Variants in NHS observed in about 807,000 individuals in gnomAD.
NHS encodes the protein actin remodeling regulator NHS.
In NHS, 5 loss-of-function variants were observed where a neutral mutation model predicts 72.5. That is an observed-to-expected ratio of 0.07 (90% CI 0.04 to 0.14). NHS has a LOEUF of 0.14. NHS is among the 10% of genes least tolerant of loss of function. NHS has a pLI of 1.00. For synonymous variants in NHS, 464 were observed against 547.7 expected (o/e 0.85, Z 2.13); for missense variants, 1,072 against 1,355.7 (o/e 0.79, Z 3.29).
intron 1 of NHS, among the ~76,000 whole-genome samples, chrX:17,684,593 A>C (rs2066150621): frequency 8.9e-6 from 1 of 112,027 alleles, no homozygotes; most frequent in African/African-American, 3.3e-5. Flanking sequence ...ACAACACGAC[A>C]GTTTGCTTCT....
In NHS at chrX:17,727,745, T is replaced by A. The variant is rs141529580; in HGVS notation, c.3639T>A (p.Asp1213Glu). The change falls in exon 7 of 9, where the codon GAT (aspartate) becomes GAA (glutamate). Residue 1213 changes from aspartate to glutamate, a missense_variant. Physicochemically the swap from Asp to Glu is conservative, Grantham distance 45. Transcript: ENST00000676302. ...CTTCTGCAGTTGAGATGGGACCAGATAAACTACATTTAGAAAAAAACTCTA... is the reference window on the plus strand; with the variant it reads ...CTTCTGCAGTTGAGATGGGACCAGAAAAACTACATTTAGAAAAAAACTCTA... ...LDSSAVEMGP[D>E]KLHLEKNSTF... 2 of 1,209,824 alleles carry A rather than the reference T, an allele frequency of 1.7e-6. No homozygotes were observed. Among genetic ancestry groups the A allele is most frequent in the African/African-American group, 3.5e-5 (2 of 57,099 alleles).
chrX:17,413,096 C>T, intron 1 of NHS, among the ~76,000 whole-genome samples: 1 of 112,187 alleles, frequency 8.9e-6, no homozygotes, highest in East Asian at 2.8e-4. Context: ...ATGTGACTAC[C>T]TGTGTATTTA....
chrX:17,565,120 A>T (rs2065436553), intron 1 of NHS, among the ~76,000 whole-genome samples: 1 of 111,176 alleles, frequency 9.0e-6, no homozygotes, highest in Non-Finnish European at 1.9e-5. Flanking sequence ...CAGAACCCAG[A>T]TCTTTAAGAG....
intron 1 of NHS, among the ~76,000 whole-genome samples, chrX:17,624,637 C>T (rs1171173452): frequency 1.8e-5 from 2 of 113,572 alleles, no homozygotes; most frequent in African/African-American, 6.4e-5. Flanking sequence ...TGTTCATTCT[C>T]ATTGCTGTAT....
At chrX:17,489,961 T>C (rs1227105965) in intron 1 of NHS, among the ~76,000 whole-genome samples, 1 of 112,293 alleles carries the variant, frequency 8.9e-6, no homozygotes, top group Admixed American at 9.4e-5. Flanking sequence ...CTTCACCCAC[T>C]TTTTGATGGA....
At chrX:17,682,138 G>A (rs1180698104) in intron 1 of NHS, among the ~76,000 whole-genome samples, 3 of 110,720 alleles carry the variant, frequency 2.7e-5, no homozygotes, top group Non-Finnish European at 5.7e-5. Flanking sequence ...GATGGTTACC[G>A]AGGAAGAAAG....
At chrX:17,391,548 G>A (rs1004166631) in intron 1 of NHS, among the ~76,000 whole-genome samples, 1 of 111,936 alleles carries the variant, frequency 8.9e-6, no homozygotes, top group African/African-American at 3.2e-5. Context: ...GGTAAAGGAT[G>A]TAGGTATAAA....
chrX:17,454,441 G>A (rs1260168054), intron 1 of NHS, among the ~76,000 whole-genome samples: 1 of 112,129 alleles, frequency 8.9e-6, no homozygotes, highest in Non-Finnish European at 1.9e-5. Flanking sequence ...CTGACTCAGA[G>A]CTACTGACTC....
intron 1 of NHS, among the ~76,000 whole-genome samples, chrX:17,575,266 A>G (rs1414960368): frequency 1.8e-5 from 2 of 112,924 alleles, no homozygotes; most frequent in South Asian, 3.6e-4. Context: ...GCTCCTGGCC[A>G]TGGCCTGCAA....
intron 1 of NHS, among the ~76,000 whole-genome samples, chrX:17,536,093 C>T (rs982348799): frequency 1.7e-4 from 19 of 112,054 alleles, no homozygotes; most frequent in East Asian, 2.8e-4. Context: ...CAGTGGCTCA[C>T]GCCTGTAATC....
intron 3 of NHS, among the ~76,000 whole-genome samples, chrX:17,702,437 C>T (rs1185128369): frequency 8.9e-6 from 1 of 111,909 alleles, no homozygotes; most frequent in Non-Finnish European, 1.9e-5. Flanking sequence ...AATCCCAGCA[C>T]TTTAGGAGGC....
chrX:17,554,423 A>G lies in NHS; in HGVS notation c.566-133319A>G, dbSNP rs150589007. Among the ~76,000 whole-genome samples, 870 of 112,287 alleles carry G rather than the reference A, an allele frequency of 7.7e-3. 2 individuals carry two copies. The highest frequency in any genetic ancestry group is 0.014 in the Middle Eastern group (3 of 218). On this transcript the variant is annotated intron_variant, in intron 1 of 8. Coordinates refer to ENST00000676302, the MANE Select transcript of NHS (RefSeq NM_001291867.2). ...CAGAGCTGGAGGGGGGACACGGGTC[A>G]TGAGGATGGTCAGGGATGAAAAGGT... is the stretch of plus-strand genomic sequence containing the variant.
intron 1 of NHS, among the ~76,000 whole-genome samples, chrX:17,655,533 G>A (rs1031626569): frequency 5.3e-5 from 6 of 112,411 alleles, no homozygotes; most frequent in African/African-American, 1.9e-4. Flanking sequence ...TGGCAGCAGG[G>A]GACGGATTAT....
intron 1 of NHS, among the ~76,000 whole-genome samples, chrX:17,554,033 G>T (rs749139407): frequency 8.9e-6 from 1 of 111,986 alleles, no homozygotes; most frequent in East Asian, 2.8e-4. Context: ...CCATTCTGGT[G>T]GCTCAGCGGA....
chrX:17,416,309 G>A (rs183033529), intron 1 of NHS, among the ~76,000 whole-genome samples: 48 of 111,019 alleles, frequency 4.3e-4, no homozygotes, highest in African/African-American at 1.5e-3. Context: ...TCTGAACCCA[G>A]CTCACTTTTC....
At chrX:17,567,036 C>A (rs906434527) in intron 1 of NHS, among the ~76,000 whole-genome samples, 2 of 112,224 alleles carry the variant, frequency 1.8e-5, no homozygotes, top group Non-Finnish European at 3.8e-5. Flanking sequence ...GCAAAATGGC[C>A]TTTTCCGTTA....
chrX:17,650,198 G>A (rs973451296), intron 1 of NHS, among the ~76,000 whole-genome samples: 54 of 112,525 alleles, frequency 4.8e-4, no homozygotes, highest in African/African-American at 1.7e-3. Flanking sequence ...TCCAGCCCTG[G>A]GCAAATCACA....
At chrX:17,408,512 C>T (rs1458705210) in intron 1 of NHS, among the ~76,000 whole-genome samples, 1 of 111,029 alleles carries the variant, frequency 9.0e-6, no homozygotes, top group Non-Finnish European at 1.9e-5. Context: ...TCTTTGTGTC[C>T]CCAGCCCCAT....
chrX:17,494,869 A>G (rs1037059531), intron 1 of NHS, among the ~76,000 whole-genome samples: 1 of 112,457 alleles, frequency 8.9e-6, no homozygotes, highest in Non-Finnish European at 1.9e-5. Flanking sequence ...ATAACATCCC[A>G]TGGATAAGTG....
Sources: gnomAD v4.1 joint callset for allele counts (sites outside exome capture counted in the v4.1 genomes callset) on GRCh38, gnomAD v4.1.1 for gene constraint, MANE v1.5 for transcripts, NCBI Gene and HGNC (gene_info 2026-07-23, HGNC 2026-07-21) for gene names.